PDLIM5: variants seen among roughly 807,000 people sequenced by gnomAD.
PDLIM5 encodes the protein PDZ and LIM domain protein 5.
Under a neutral mutation model 64.2 loss-of-function variants are expected in PDLIM5, and 34 were observed. The observed-to-expected ratio is 0.53, with a 90% CI of 0.40 to 0.71. The LOEUF (loss-of-function observed/expected upper bound fraction) is 0.71, where lower values mean the gene tolerates loss of function less well. Among genes scored for constraint, PDLIM5 ranks in the 30% least tolerant of loss-of-function variants. PDLIM5 has a pLI of 0.00. For missense variants in PDLIM5, 683 were observed against 733.6 expected (o/e 0.93, Z 0.80); for synonymous variants, 253 against 269.1 (o/e 0.94, Z 0.59).
chr4:94,551,774 TGACCCATAAAGGAAAAAAGTG>T (rs1732830190), intron 3 of PDLIM5, among the ~76,000 whole-genome samples: 1 of 152,134 alleles, frequency 6.6e-6, no homozygotes, highest in East Asian at 1.9e-4. Context: ...GTCTGGTATA[TGACCCATAAAGGAAAAAAGTG>T]GTCACAACTG....
intron 3 of PDLIM5, among the ~76,000 whole-genome samples, chr4:94,568,119 G>T (rs2452595): frequency 0.99 from 150,239 of 152,372 alleles, 74,081 homozygotes; most frequent in East Asian, 1. Flanking sequence ...GTAGAATTAC[G>T]TACTAGAACG....
At chr4:94,602,929 C>G (rs778051116) in intron 7 of PDLIM5, among the ~76,000 whole-genome samples, 1 of 151,850 alleles carries the variant, frequency 6.6e-6, no homozygotes, top group South Asian at 2.1e-4. Context: ...ACATATTAAG[C>G]GATGAAAAAA....
intron 3 of PDLIM5, among the ~76,000 whole-genome samples, chr4:94,560,576 G>A (rs1417048893): frequency 6.6e-6 from 1 of 152,188 alleles, no homozygotes; most frequent in African/African-American, 2.4e-5. Context: ...CAAGGAAACT[G>A]AGAGGTTAAG....
At chr4:94,529,156 T>C (rs1730633472) in intron 3 of PDLIM5, among the ~76,000 whole-genome samples, 1 of 152,190 alleles carries the variant, frequency 6.6e-6, no homozygotes, top group Non-Finnish European at 1.5e-5. Flanking sequence ...CGGAAAGTTA[T>C]AGCTGGTTGG....
chr4:94,632,568 C>T (rs1740243354), intron 8 of PDLIM5, among the ~76,000 whole-genome samples: 1 of 152,118 alleles, frequency 6.6e-6, no homozygotes, highest in Admixed American at 6.5e-5. Flanking sequence ...TGCCCCTTTA[C>T]AGATGTCCAT....
intron 2 of PDLIM5, among the ~76,000 whole-genome samples, chr4:94,504,285 G>A (rs554111145): frequency 6.6e-6 from 1 of 151,566 alleles, no homozygotes; most frequent in South Asian, 2.1e-4. Context: ...TCATGGTTGT[G>A]CGACTTTCTT....
intron 3 of PDLIM5, among the ~76,000 whole-genome samples, chr4:94,542,556 G>C (rs751080969): frequency 2.6e-5 from 4 of 152,116 alleles, no homozygotes; most frequent in African/African-American, 9.7e-5. Flanking sequence ...CTAATCAGTA[G>C]ATTCTATGGA....
chr4:94,524,608 CTT>C (rs1197183435), intron 3 of PDLIM5, among the ~76,000 whole-genome samples: 5 of 150,732 alleles, frequency 3.3e-5, no homozygotes, highest in African/African-American at 1.2e-4. Flanking sequence ...ACTTTTTGAA[CTT>C]ATTGCTTTCT....
At chr4:94,470,099 C>T (rs1227955760) in intron 2 of PDLIM5, among the ~76,000 whole-genome samples, 9 of 151,288 alleles carry the variant, frequency 5.9e-5, no homozygotes, top group Admixed American at 2.0e-4. Context: ...CCCCAGTAGC[C>T]GGGAGTACAG....
chr4:94,636,289 G>C (rs1040899658), intron 8 of PDLIM5, among the ~76,000 whole-genome samples: 1 of 152,102 alleles, frequency 6.6e-6, no homozygotes, highest in Non-Finnish European at 1.5e-5. Flanking sequence ...TATGGTAGAT[G>C]AAAGGGTTTG....
chr4:94,502,954 A>G (rs544646505), intron 2 of PDLIM5, among the ~76,000 whole-genome samples: 1 of 152,182 alleles, frequency 6.6e-6, no homozygotes, highest in African/African-American at 2.4e-5. Context: ...TATCTTTGTG[A>G]TTGTTGCCAC....
chr4:94,495,355 T>C (rs1414903233), intron 2 of PDLIM5, among the ~76,000 whole-genome samples: 1 of 152,200 alleles, frequency 6.6e-6, no homozygotes, highest in Non-Finnish European at 1.5e-5. Context: ...TGTGTAAGCA[T>C]GGTATTTTAC....
At chr4:94,586,061 T>C (rs1272518171) in intron 6 of PDLIM5, among the ~76,000 whole-genome samples, 2 of 152,174 alleles carry the variant, frequency 1.3e-5, no homozygotes, top group African/African-American at 4.8e-5. Context: ...TCCCAGCTAC[T>C]TGGGAGCCTG....
intron 3 of PDLIM5, among the ~76,000 whole-genome samples, chr4:94,527,315 A>G (rs930970354): frequency 1.3e-5 from 2 of 151,782 alleles, no homozygotes; most frequent in African/African-American, 2.4e-5. Context: ...TTGTCCTCCC[A>G]AAGTGCTGGT....
At chr4:94,491,703 T>A (rs902473838) in intron 2 of PDLIM5, among the ~76,000 whole-genome samples, 11 of 152,090 alleles carry the variant, frequency 7.2e-5, no homozygotes, top group African/African-American at 2.7e-4. Context: ...GGAAGGAATA[T>A]CATTTTTATA....
At chr4:94,506,860 G>C (rs145677517) in intron 2 of PDLIM5, among the ~76,000 whole-genome samples, 91 of 152,290 alleles carry the variant, frequency 6.0e-4, no homozygotes, top group Non-Finnish European at 1.2e-3. Context: ...GCACCATCCA[G>C]TCGGCTGCCA....
chr4:94,513,999 A>C (rs1472169596), intron 2 of PDLIM5, among the ~76,000 whole-genome samples: 1 of 152,092 alleles, frequency 6.6e-6, no homozygotes, highest in Admixed American at 6.6e-5. Context: ...TTTGTCCTTC[A>C]TCTTGTTGAT....
intron 7 of PDLIM5, among the ~76,000 whole-genome samples, chr4:94,604,777 C>A (rs897744147): frequency 6.6e-6 from 1 of 152,142 alleles, no homozygotes. Context: ...GAGATCTCTT[C>A]CACAATAATG....
intron 10 of PDLIM5, among the ~76,000 whole-genome samples, chr4:94,655,831 G>C (rs994079757): frequency 4.6e-5 from 7 of 152,148 alleles, no homozygotes; most frequent in Admixed American, 4.6e-4. Flanking sequence ...AGCTTGTCTA[G>C]ATTGTATTTT....
Sources: allele counts gnomAD v4.1 joint callset (sites outside exome capture counted in the v4.1 genomes callset), GRCh38; gene constraint gnomAD v4.1.1; transcripts MANE v1.5; gene names NCBI Gene and HGNC (gene_info 2026-07-23, HGNC 2026-07-21).